NEK11: variants seen among roughly 807,000 people sequenced by gnomAD.
NEK11 encodes the protein NIMA related kinase 11.
In NEK11, 72 loss-of-function variants were observed where a neutral mutation model predicts 80.7. That is an observed-to-expected ratio of 0.89 (90% CI 0.74 to 1.08). NEK11 has a LOEUF of 1.08. Among genes scored for constraint, NEK11 ranks in the 50% least tolerant of loss-of-function variants. NEK11 has a pLI of 0.00. For missense variants in NEK11, 764 were observed against 763.6 expected (o/e 1.00, Z -0.01); for synonymous variants, 251 against 260.7 (o/e 0.96, Z 0.36).
intron 3 of NEK11, among the ~76,000 whole-genome samples, chr3:131,079,541 AT>A (rs2074898536): frequency 6.6e-6 from 1 of 152,068 alleles, no homozygotes; most frequent in Admixed American, 6.6e-5. Context: ...GTTCTAAAGT[AT>A]TTTTTCCTAT....
chr3:131,198,143 G>A (rs1456685741), intron 14 of NEK11, among the ~76,000 whole-genome samples: 1 of 152,078 alleles, frequency 6.6e-6, no homozygotes, highest in Non-Finnish European at 1.5e-5. Context: ...AGGGCTGTTA[G>A]TTTTGCCAGC....
In NEK11 at chr3:131,249,308, A is replaced by G. The variant is rs150868111; in HGVS notation, c.1621+5812A>G. Among the ~76,000 whole-genome samples the G allele has an allele frequency of 5.6e-3, 857 of 152,202 alleles. 5 individuals are homozygous for G. The highest frequency in any genetic ancestry group is 7.8e-3 in the Non-Finnish European group (531 of 67,978). ...GGTGTAGGCTAGGAGAAGCAAGGCA[A>G]CTGAACCTACAGAATCTCATAAATG... is the stretch of plus-strand genomic sequence containing the variant. On this transcript the variant is annotated intron_variant, in intron 16 of 17. Coordinates refer to ENST00000383366, the MANE Select transcript of NEK11 (RefSeq NM_024800.5).
chr3:131,169,933 A>G (rs149754856), intron 13 of NEK11, among the ~76,000 whole-genome samples: 4 of 152,286 alleles, frequency 2.6e-5, no homozygotes, highest in South Asian at 2.1e-4. Flanking sequence ...TCTGGAACCA[A>G]TTTCGCCTCC....
At chr3:131,174,898 C>T in intron 14 of NEK11, 2 of 1,477,272 alleles carry the variant, frequency 1.4e-6, no homozygotes, top group East Asian at 2.5e-5. Context: ...TGAAGTAGGC[C>T]TTGGCTGCTT....
At chr3:131,047,673 A>G (rs898877976) in intron 3 of NEK11, among the ~76,000 whole-genome samples, 14 of 152,124 alleles carry the variant, frequency 9.2e-5, no homozygotes, top group African/African-American at 2.9e-4. Context: ...GCTCCAGTGG[A>G]GGTGGCAGGG....
At chr3:131,050,099 C>CT (rs1250944986) in intron 3 of NEK11, among the ~76,000 whole-genome samples, 1 of 152,220 alleles carries the variant, frequency 6.6e-6, no homozygotes, top group African/African-American at 2.4e-5. Flanking sequence ...CAAGCTCCTG[C>CT]TTTGCCATTA....
At chr3:131,201,741 T>C (rs1268067688) in intron 14 of NEK11, among the ~76,000 whole-genome samples, 2 of 152,092 alleles carry the variant, frequency 1.3e-5, no homozygotes, top group East Asian at 3.9e-4. Context: ...TTTTTCTTTC[T>C]GGCAGGCATC....
At chr3:131,114,591 G>A (rs2080723119) in intron 5 of NEK11, among the ~76,000 whole-genome samples, 1 of 152,138 alleles carries the variant, frequency 6.6e-6, no homozygotes. Context: ...CAATCATCCA[G>A]TCTGCTCACA....
In NEK11 at chr3:131,350,387, A is replaced by T. The variant is rs983940176; in HGVS notation, c.*611A>T. On this transcript the variant is annotated 3_prime_UTR_variant, in exon 18 of 18. Transcript: ENST00000383366. ...TATGATTTATTTCAAACTCATCCATAGATAATTCAAGATTTGTATTCAAAA... is the reference window on the plus strand; with the variant it reads ...TATGATTTATTTCAAACTCATCCATTGATAATTCAAGATTTGTATTCAAAA... 6.6e-6 allele frequency: 1 copy of T among 152,254 alleles called. No homozygotes were observed. Among genetic ancestry groups the T allele is most frequent in the Non-Finnish European group, 1.5e-5 (1 of 68,056 alleles). The allele number at this position is 152,254 out of a possible 1,614,324, so 9.4% of individuals were successfully genotyped here.
intron 17 of NEK11, among the ~76,000 whole-genome samples, chr3:131,283,297 A>G (rs1168756511): frequency 6.6e-6 from 1 of 152,074 alleles, no homozygotes; most frequent in Non-Finnish European, 1.5e-5. Flanking sequence ...TCTGGAACCT[A>G]TTTGTTTTCA....
chr3:131,102,157 A>T (rs1223412199), intron 4 of NEK11, among the ~76,000 whole-genome samples: 1 of 152,058 alleles, frequency 6.6e-6, no homozygotes, highest in African/African-American at 2.4e-5. Context: ...TTTTGCTTTT[A>T]TATGGGATGT....
chr3:131,115,924 TTCTTTC>T (rs2080999361), intron 5 of NEK11, among the ~76,000 whole-genome samples: 1 of 104,654 alleles, frequency 9.6e-6, no homozygotes, highest in South Asian at 3.4e-4. Flanking sequence ...CTTTCTTTCT[TTCTTTC>T]TTTCTTTCTT....
intron 17 of NEK11, among the ~76,000 whole-genome samples, chr3:131,290,558 T>C (rs981557219): frequency 4.6e-5 from 7 of 152,316 alleles, no homozygotes; most frequent in African/African-American, 7.2e-5. Context: ...CTTTGTCTCT[T>C]GCCAAAGTCA....
chr3:131,050,607 C>T (rs1230737111), intron 3 of NEK11, among the ~76,000 whole-genome samples: 1 of 152,190 alleles, frequency 6.6e-6, no homozygotes, highest in Non-Finnish European at 1.5e-5. Flanking sequence ...ATTTTATTGA[C>T]ACTAATCATA....
intron 4 of NEK11, among the ~76,000 whole-genome samples, chr3:131,091,102 T>C (rs924888533): frequency 6.6e-6 from 1 of 152,138 alleles, no homozygotes; most frequent in Non-Finnish European, 1.5e-5. Context: ...AAACAAATAG[T>C]TTTTCTTGAG....
At chr3:131,195,219 G>T (rs967108178) in intron 14 of NEK11, among the ~76,000 whole-genome samples, 1 of 152,002 alleles carries the variant, frequency 6.6e-6, no homozygotes, top group African/African-American at 2.4e-5. Context: ...CTTTCACGTG[G>T]CCTATAAGGC....
At chr3:131,074,464 T>C (rs1274818131) in intron 3 of NEK11, among the ~76,000 whole-genome samples, 3 of 152,152 alleles carry the variant, frequency 2.0e-5, no homozygotes, top group Non-Finnish European at 1.5e-5. Context: ...TAGTGTGATT[T>C]TGTGTATGTG....
At chr3:131,081,069 C>T (rs1254958112) in intron 4 of NEK11, among the ~76,000 whole-genome samples, 1 of 152,110 alleles carries the variant, frequency 6.6e-6, no homozygotes, top group Non-Finnish European at 1.5e-5. Flanking sequence ...GGGACCATGC[C>T]ATCGCTCTCC....
intron 17 of NEK11, chr3:131,330,294 G>A (rs902373777): frequency 5.9e-5 from 9 of 152,100 alleles, no homozygotes; most frequent in Non-Finnish European, 1.0e-4. Context: ...AATTTGACAG[G>A]GCACAATAAT....
Sources: allele counts gnomAD v4.1 joint callset (sites outside exome capture counted in the v4.1 genomes callset), GRCh38; gene constraint gnomAD v4.1.1; transcripts MANE v1.5; gene names NCBI Gene and HGNC (gene_info 2026-07-23, HGNC 2026-07-21).